FRAS1: variants seen among roughly 807,000 people sequenced by gnomAD.
FRAS1 encodes extracellular matrix organizing protein FRAS1.
FRAS1 carries 290 observed loss-of-function variants against 435.2 expected under a neutral mutation model. The ratio of observed to expected loss-of-function variants is 0.67; its 90% CI spans 0.61 to 0.73. The LOEUF is 0.73. FRAS1 is among the 30% of genes least tolerant of loss of function. FRAS1 has a pLI of 0.00. For synonymous variants in FRAS1, 1,800 were observed against 1,851.0 expected, an observed-to-expected ratio of 0.97 and a Z score of 0.71; for missense variants, 4,860 against 5,001.5, an observed-to-expected ratio of 0.97 and a Z score of 0.85.
intron 14 of FRAS1, among the ~76,000 whole-genome samples, chr4:78,297,667 G>A (rs1341620325): frequency 1.3e-5 from 2 of 152,158 alleles, no homozygotes; most frequent in Admixed American, 1.3e-4. Flanking sequence ...TCTGTTACAT[G>A]TGAGATAAAA....
At chr4:78,194,287 T>C (rs766328669) in intron 2 of FRAS1, among the ~76,000 whole-genome samples, 10 of 152,182 alleles carry the variant, frequency 6.6e-5, no homozygotes, top group Admixed American at 2.0e-4. Context: ...TTTGTGGCAT[T>C]CTCTATATTT....
intron 3 of FRAS1, among the ~76,000 whole-genome samples, chr4:78,242,268 A>G (rs1174599520): frequency 3.3e-5 from 5 of 152,172 alleles, no homozygotes; most frequent in Non-Finnish European, 7.4e-5. Flanking sequence ...TGGTCATGTC[A>G]AGAACCTTGG....
rs145571470 is a variant in FRAS1 at position 78,372,806 on chromosome 4, C to A, written c.2958C>A (p.Ala986=). Residue 986 remains alanine, a synonymous_variant, in exon 24 of 74, where the codon GCC becomes GCA. Transcript: ENST00000512123. Reference sequence around the variant, plus strand: ...ATGGCTATGTTCTCCAGGATGGGGCCTGCGTGGAGCAGTGCTTGTCATCAT... The same window carrying A: ...ATGGCTATGTTCTCCAGGATGGGGCATGCGTGGAGCAGTGCTTGTCATCAT... ...CMDGYVLQDG[A]CVEQCLSSFY... The A allele has an allele frequency of 3.1e-4, 495 of 1,613,068 alleles. 2 individuals carry two copies. Among genetic ancestry groups the A allele is most frequent in the Non-Finnish European group, 1.2e-5 (14 of 1,179,696 alleles).
intron 71 of FRAS1, among the ~76,000 whole-genome samples, chr4:78,535,569 A>T (rs1380548705): frequency 1.3e-5 from 2 of 152,044 alleles, no homozygotes. Flanking sequence ...GTTATCCTCA[A>T]CTTCCCCTTC....
At chr4:78,268,758 C>T (rs925473157) in intron 9 of FRAS1, among the ~76,000 whole-genome samples, 3 of 152,190 alleles carry the variant, frequency 2.0e-5, no homozygotes, top group Admixed American at 6.5e-5. Flanking sequence ...CTGCTGCTGT[C>T]GGCTGTGACA....
intron 14 of FRAS1, among the ~76,000 whole-genome samples, chr4:78,305,543 C>T (rs1189314962): frequency 7.2e-6 from 1 of 139,610 alleles, no homozygotes; most frequent in Non-Finnish European, 1.6e-5. Context: ...AATCTGGGTG[C>T]TGCTGTATTG....
intron 38 of FRAS1, among the ~76,000 whole-genome samples, chr4:78,436,958 A>G (rs1439554330): frequency 6.6e-6 from 1 of 152,208 alleles, no homozygotes; most frequent in African/African-American, 2.4e-5. Flanking sequence ...AAATGAAAAA[A>G]TAAATTAATA....
At chr4:78,203,413 T>C (rs1250545706) in intron 2 of FRAS1, among the ~76,000 whole-genome samples, 1 of 152,200 alleles carries the variant, frequency 6.6e-6, no homozygotes, top group African/African-American at 2.4e-5. Flanking sequence ...CCCAAATCAA[T>C]ACTCATGGCA....
In FRAS1 at chr4:78,448,361, A is replaced by G. The variant is rs1240086750; in HGVS notation, c.6274+45A>G. 2.0e-6 allele frequency: 3 copies of G among 1,515,336 alleles called. No individual in the cohort carries two copies. The African/African-American group carries it at 4.1e-5, about 21-fold the overall frequency. 93.9% of individuals were successfully genotyped at this position (1,515,336 alleles called of 1,614,324 possible). A position where few individuals can be genotyped will look rare whatever the true frequency, so the allele number is the denominator to read the frequency against. Reference sequence around the variant, plus strand: ...GAGTGGCCATGGTTTTTCTATCCTTATTTCTTCTTTGTCCAGTATGCAGTA... The same window carrying G: ...GAGTGGCCATGGTTTTTCTATCCTTGTTTCTTCTTTGTCCAGTATGCAGTA... On this transcript the variant is annotated intron_variant, in intron 44 of 73. Transcript: ENST00000512123.
intron 2 of FRAS1, among the ~76,000 whole-genome samples, chr4:78,202,536 C>T (rs1396347317): frequency 6.6e-6 from 1 of 152,048 alleles, no homozygotes; most frequent in African/African-American, 2.4e-5. Flanking sequence ...ACTAAAAATA[C>T]AAAAATTAGT....
chr4:78,100,544 A>G (rs1474413634), intron 2 of FRAS1, among the ~76,000 whole-genome samples: 1 of 152,208 alleles, frequency 6.6e-6, no homozygotes, highest in Non-Finnish European at 1.5e-5. Flanking sequence ...ATACTTACAA[A>G]TACTTCCAGG....
intron 2 of FRAS1, among the ~76,000 whole-genome samples, chr4:78,078,079 A>G (rs1740738461): frequency 6.6e-6 from 1 of 152,146 alleles, no homozygotes; most frequent in Admixed American, 6.6e-5. Flanking sequence ...CTGTTTGGCT[A>G]GCTATTTTTT....
rs1264441383 is a variant in FRAS1 at position 78,438,651 on chromosome 4, T to C, written c.5299T>C (p.Ser1767Pro). ...SYGTLLRISG[S>P]EVEELSEVSN... ...TGGTACTCTCTTAAGAATCTCAGGATCTGAGGTGGAAGAGCTCTCAGAAGT... is the reference window on the plus strand; with the variant it reads ...TGGTACTCTCTTAAGAATCTCAGGACCTGAGGTGGAAGAGCTCTCAGAAGT... The change falls in exon 39 of 74, where the codon TCT becomes CCT. Residue 1767 changes from serine to proline, a missense_variant. Physicochemically the swap from Ser to Pro is moderately conservative, Grantham distance 74. Coordinates refer to ENST00000512123, the MANE Select transcript of FRAS1 (RefSeq NM_025074.7). 1 of 1,613,300 alleles carries C rather than the reference T, an allele frequency of 6.2e-7. No individual in the cohort carries two copies.
chr4:78,334,100 A>T (rs143461788), intron 19 of FRAS1, among the ~76,000 whole-genome samples: 408 of 152,272 alleles, frequency 2.7e-3, no homozygotes, highest in African/African-American at 8.9e-3. Context: ...GTGGCTTTTT[A>T]AAAAAGTTTA....
chr4:78,065,499 T>G (rs942249507), intron 1 of FRAS1, among the ~76,000 whole-genome samples: 4 of 152,016 alleles, frequency 2.6e-5, no homozygotes, highest in African/African-American at 9.7e-5. Flanking sequence ...GGGATCAAGT[T>G]CAAAGAGCTT....
At chr4:78,109,757 A>T (rs1407654105) in intron 2 of FRAS1, among the ~76,000 whole-genome samples, 8 of 33,540 alleles carry the variant, frequency 2.4e-4, no homozygotes, top group Middle Eastern at 6.3e-3. Context: ...CAGGGCAATC[A>T]GGCAGGAGAA....
At chr4:78,140,713 G>GTGTATATGTATACACATATACATA (rs1560546125) in intron 2 of FRAS1, among the ~76,000 whole-genome samples, 2 of 80,212 alleles carry the variant, frequency 2.5e-5, no homozygotes, top group African/African-American at 1.5e-4. Flanking sequence ...GCATATACGT[G>GTGTATATGTATACACATATACATA]TGTGTATATG....
At chr4:78,464,267 G>C (rs1169704310) in intron 48 of FRAS1, 122 bp downstream of exon 48, 3 of 1,404,136 alleles carry the variant, frequency 2.1e-6, no homozygotes, top group Admixed American at 2.4e-5. Context: ...CAGTCAAGGG[G>C]TAGGGGCAGC....
intron 2 of FRAS1, among the ~76,000 whole-genome samples, chr4:78,196,840 A>AT (rs61224945): frequency 1.3e-5 from 2 of 152,096 alleles, no homozygotes; most frequent in Non-Finnish European, 2.9e-5. Context: ...CTTGAATGAG[A>AT]TTTTTTTCCT....
Sources: gnomAD v4.1 joint callset for allele counts (sites outside exome capture counted in the v4.1 genomes callset) on GRCh38, gnomAD v4.1.1 for gene constraint, MANE v1.5 for transcripts, NCBI Gene and HGNC (gene_info 2026-07-23, HGNC 2026-07-21) for gene names.